CEP170: variants seen among roughly 807,000 people sequenced by gnomAD.
CEP170 encodes the protein centrosomal protein 170.
CEP170 carries 21 observed loss-of-function variants against 151.9 expected under a neutral mutation model. The observed-to-expected ratio is 0.14, with a 90% CI of 0.10 to 0.20. CEP170 has a LOEUF of 0.20. Ranked by LOEUF, CEP170 falls within the 10% of genes least tolerant of loss-of-function variation. CEP170 has a pLI of 1.00. For missense variants in CEP170, 964 were observed against 1,892.9 expected (o/e 0.51, Z 9.11); for synonymous variants, 356 against 648.8 (o/e 0.55, Z 6.86).
rs1371711724 is a variant in CEP170, at chr1:243,165,598, G to A, written c.2362C>T (p.Pro788Ser). 6.2e-6 allele frequency: 10 copies of A among 1,613,768 alleles called. No individual in the cohort carries two copies. The highest frequency in any genetic ancestry group is 8.5e-6 in the Non-Finnish European group (10 of 1,179,892). The change falls in exon 13 of 20, where the codon CCA becomes TCA. Residue 788 changes from proline to serine, a missense_variant. Physicochemically the swap from Pro to Ser is moderately conservative, Grantham distance 74. Coordinates refer to ENST00000366542, the MANE Select transcript of CEP170 (RefSeq NM_014812.3). ...EETFKQESQP[P>S]EKNSGHSTSK... is the part of the protein sequence containing the mutation. ...GTAGAATGTCCTGAATTTTTTTCTG[G>A]AGGTTGTGATTCTTGTTTAAAAGTT... is the stretch of plus-strand genomic sequence containing the variant.
intron 7 of CEP170, among the ~76,000 whole-genome samples, chr1:243,197,487 T>C (rs2060731627): frequency 6.6e-6 from 1 of 152,094 alleles, no homozygotes; most frequent in South Asian, 2.1e-4. Flanking sequence ...CCTGAACCTG[T>C]GAGAGGCCAA....
At chr1:243,230,710 A>G (rs1339515091) in intron 1 of CEP170, among the ~76,000 whole-genome samples, 4 of 152,192 alleles carry the variant, frequency 2.6e-5, no homozygotes, top group Non-Finnish European at 5.9e-5. Flanking sequence ...CTTATCTTCA[A>G]TATGAGAAGC....
chr1:243,181,739 T>C (rs1217386644), intron 10 of CEP170, among the ~76,000 whole-genome samples: 1 of 152,218 alleles, frequency 6.6e-6, no homozygotes, highest in African/African-American at 2.4e-5. Flanking sequence ...TGTGATACTG[T>C]TGCTTACTGA....
intron 17 of CEP170, among the ~76,000 whole-genome samples, chr1:243,135,275 C>T (rs1324945132): frequency 6.6e-6 from 1 of 152,058 alleles, no homozygotes; most frequent in Admixed American, 6.6e-5. Context: ...GGTGCGATCT[C>T]GGCTCACTGG....
At chr1:243,176,349 A>G (rs1242546762) in intron 10 of CEP170, among the ~76,000 whole-genome samples, 1 of 152,204 alleles carries the variant, frequency 6.6e-6, no homozygotes, top group Non-Finnish European at 1.5e-5. Context: ...CAGGAGGTGA[A>G]AACTCCTTTG....
chr1:243,229,520 G>A (rs957504196), intron 1 of CEP170, among the ~76,000 whole-genome samples: 1 of 152,162 alleles, frequency 6.6e-6, no homozygotes, highest in Admixed American at 6.5e-5. Context: ...GTAAAAGAGG[G>A]TGACAAATGT....
At chr1:243,136,649 A>G (rs1572162688) in intron 16 of CEP170, among the ~76,000 whole-genome samples, 1 of 152,374 alleles carries the variant, frequency 6.6e-6, no homozygotes, top group South Asian at 2.1e-4. Context: ...GAAGAGTACA[A>G]TCCTTGTTCT....
At chr1:243,224,745 A>G (rs1186336826) in intron 2 of CEP170, among the ~76,000 whole-genome samples, 1 of 152,210 alleles carries the variant, frequency 6.6e-6, no homozygotes, top group Non-Finnish European at 1.5e-5. Context: ...TATACACAAT[A>G]AAATTTACTT....
chr1:243,192,445 C>T (rs1328416090), intron 7 of CEP170, among the ~76,000 whole-genome samples: 1 of 151,870 alleles, frequency 6.6e-6, no homozygotes, highest in East Asian at 1.9e-4. Flanking sequence ...TACGCAAATG[C>T]AAAATAAAAA....
chr1:243,138,810 T>A (rs1474034604), intron 16 of CEP170, among the ~76,000 whole-genome samples: 1 of 152,046 alleles, frequency 6.6e-6, no homozygotes, highest in Non-Finnish European at 1.5e-5. Context: ...GGGAAAGGGT[T>A]TTTCTTGTAC....
intron 1 of CEP170, among the ~76,000 whole-genome samples, chr1:243,232,355 T>C (rs2063839094): frequency 6.6e-6 from 1 of 152,190 alleles, no homozygotes; most frequent in African/African-American, 2.4e-5. Context: ...TCTGTGCTTA[T>C]CAATTTCAGC....
chr1:243,174,584 AT>A (rs2059096261), intron 10 of CEP170, among the ~76,000 whole-genome samples: 2 of 152,244 alleles, frequency 1.3e-5, no homozygotes, highest in African/African-American at 4.8e-5. Flanking sequence ...TTATTACTTA[AT>A]ATTTAATTCT....
At chr1:243,136,999 C>T (rs577154141) in intron 16 of CEP170, among the ~76,000 whole-genome samples, 9 of 150,098 alleles carry the variant, frequency 6.0e-5, no homozygotes, top group Middle Eastern at 3.6e-3. Context: ...GGGTCACCAA[C>T]CTCTGTAAAG....
At chr1:243,243,497 GATTT>G (rs35889417) in intron 1 of CEP170, among the ~76,000 whole-genome samples, 61,504 of 145,874 alleles carry the variant, frequency 0.42, 13,216 homozygotes, top group South Asian at 0.61. Flanking sequence ...TTACCATTCT[GATTT>G]ATTTATTTAT....
chr1:243,159,803 T>TGTGTGTGTGTGTGTGTGTGTGTGTGTG (rs1558452605), intron 13 of CEP170, among the ~76,000 whole-genome samples: 1 of 51,764 alleles, frequency 1.9e-5, no homozygotes, highest in Non-Finnish European at 3.9e-5. Flanking sequence ...GTGTGTGTGT[T>TGTGTGTGTGTGTGTGTGTGTGTGTGTG]TTTGAGATGG....
intron 4 of CEP170, among the ~76,000 whole-genome samples, chr1:243,210,186 A>G (rs967290144): frequency 3.3e-5 from 5 of 152,210 alleles, no homozygotes; most frequent in African/African-American, 1.2e-4. Flanking sequence ...AGAAAATAGT[A>G]TACTATTGTG....
At chr1:243,206,636 T>C (rs1476904075) in intron 4 of CEP170, among the ~76,000 whole-genome samples, 2 of 152,212 alleles carry the variant, frequency 1.3e-5, no homozygotes, top group Non-Finnish European at 2.9e-5. Context: ...CAGACATAAG[T>C]ACAATGGGTA....
chr1:243,225,539 G>C (rs1039902601), intron 1 of CEP170, among the ~76,000 whole-genome samples: 2 of 152,156 alleles, frequency 1.3e-5, no homozygotes, highest in African/African-American at 4.8e-5. Context: ...AAAAGGAAGA[G>C]ACTAAGGCAG....
intron 13 of CEP170, among the ~76,000 whole-genome samples, chr1:243,161,167 G>A (rs1056699514): frequency 2.4e-4 from 36 of 151,850 alleles, no homozygotes; most frequent in Non-Finnish European, 4.6e-4. Context: ...GGCGGGCATG[G>A]TGGCACACGC....
Sources: allele counts gnomAD v4.1 joint callset (sites outside exome capture counted in the v4.1 genomes callset), GRCh38; gene constraint gnomAD v4.1.1; transcripts MANE v1.5; gene names NCBI Gene and HGNC (gene_info 2026-07-23, HGNC 2026-07-21).